The following CARS1 variants were observed in gnomAD, a reference collection of about 807,000 sequenced individuals.
The protein encoded by CARS1 is cysteinyl-tRNA synthetase 1.
In CARS1, 48 loss-of-function variants were observed where a neutral mutation model predicts 106.2. The observed-to-expected ratio is 0.45, with a 90% CI of 0.36 to 0.57. The LOEUF (loss-of-function observed/expected upper bound fraction) is 0.57, where lower values mean the gene tolerates loss of function less well. CARS1 is among the 20% of genes least tolerant of loss of function. The pLI, the probability that CARS1 is intolerant of heterozygous loss-of-function variation, is 0.00. For synonymous variants in CARS1, 409 were observed against 403.4 expected (o/e 1.01, Z -0.17); for missense variants, 968 against 1,057.2 (o/e 0.92, Z 1.17).
chr11:3,036,924 C>A (rs1590474473), intron 7 of CARS1, among the ~76,000 whole-genome samples: 2 of 149,202 alleles, frequency 1.3e-5, no homozygotes. Context: ...AAACCAGACA[C>A]AAAAAGACCC....
rs942782189 is a variant in CARS1 at position 3,048,781 on chromosome 11, C to T, written c.26-780G>A. The stretch of plus-strand genomic sequence containing the variant: ...CTCAAAGGACCAGCCCAAGAAAGCA[C>T]AGGGCTGCCAGGAAAATGTGGCTGC... On this transcript the variant is annotated intron_variant, in intron 1 of 22. Transcript: ENST00000380525. This position sits in a 1 kb window ranked among gnomAD's most constrained non-coding sequence, Gnocchi z 5.1. Among the ~76,000 whole-genome samples the T allele has an allele frequency of 1.3e-5, 2 of 152,352 alleles. No homozygotes were observed. Among genetic ancestry groups the T allele is most frequent in the African/African-American group, 4.8e-5 (2 of 41,582 alleles).
At chr11:3,016,750 A>G (rs1317309590) in intron 16 of CARS1, among the ~76,000 whole-genome samples, 1 of 151,856 alleles carries the variant, frequency 6.6e-6, no homozygotes, top group African/African-American at 2.4e-5. Context: ...AGCAGCTGGA[A>G]AACAGGTGTG....
chr11:3,057,251 C>T, intron 1 of CARS1, 92 bp downstream of exon 1: 1 of 1,152,210 alleles, frequency 8.7e-7, no homozygotes, highest in Non-Finnish European at 1.3e-6. Context: ...CCGGGCCCCT[C>T]AGACATAAGG....
At position 3,001,310 on chromosome 11, in the gene CARS1, T is replaced by A. The variant is rs146277534; in HGVS notation, c.2362-62A>T. ...TGCACCTGGGTAACCCCAACTCCCC[T>A]TTCTTTGCCCTCCCGTCTCAAAGTG... is the stretch of plus-strand genomic sequence containing the variant. On this transcript the variant is annotated intron_variant, in intron 22 of 22. Coordinates refer to ENST00000380525, the MANE Select transcript of CARS1 (RefSeq NM_001014437.3). 2,295 of 1,590,824 alleles carry A rather than the reference T, an allele frequency of 1.4e-3. 32 individuals are homozygous for A. The East Asian group carries it at 0.022, about 16-fold the overall frequency.
Position 3,020,142 on chromosome 11 carries a change from C to T in CARS1, c.1266+78G>A, listed in dbSNP as rs796248502. 2.3e-6 allele frequency: 2 copies of T among 874,878 alleles called. No homozygotes were observed. Among genetic ancestry groups the T allele is most frequent in the East Asian group, 2.4e-5 (1 of 41,488 alleles). The allele number at this position is 874,878 out of a possible 1,614,324, so 54.2% of individuals were successfully genotyped here. A position where few individuals can be genotyped will look rare whatever the true frequency, so the allele number is the denominator to read the frequency against. ...CAACATCCTTCACACACAGAGCGGC[C>T]CTCTGCTGGGGGCCTGAGAGTGTGG... is the stretch of plus-strand genomic sequence containing the variant. On this transcript the variant is annotated intron_variant, in intron 11 of 22. Transcript: ENST00000380525. The surrounding 1 kb of genome is among the most constrained non-coding windows in gnomAD (Gnocchi z 4.6).
At position 3,004,758 on chromosome 11, in the gene CARS1, A is replaced by C. The variant is rs1222434248; in HGVS notation, c.2217+608T>G. On this transcript the variant is annotated intron_variant, in intron 20 of 22. Coordinates refer to ENST00000380525, the MANE Select transcript of CARS1 (RefSeq NM_001014437.3). This position sits in a 1 kb window ranked among gnomAD's most constrained non-coding sequence, Gnocchi z 5.2. ...AGTATGCTGGGAATAGGAGGTGGAG[A>C]TGCATCAGTGACACGCGCCACTCAG... Among the ~76,000 whole-genome samples, 2 of 152,038 alleles carry C rather than the reference A, an allele frequency of 1.3e-5. No homozygotes were observed. Among genetic ancestry groups the C allele is most frequent in the Non-Finnish European group, 2.9e-5 (2 of 68,002 alleles).
At chr11:3,036,905 G>A (rs956346973) in intron 7 of CARS1, among the ~76,000 whole-genome samples, 32 of 151,772 alleles carry the variant, frequency 2.1e-4, no homozygotes, top group Non-Finnish European at 1.5e-5. Context: ...ACACTATGCT[G>A]GGCAAAATAA....
rs140770872 is a variant in CARS1 at position 3,052,271 on chromosome 11, C to T, written c.26-4270G>A. On this transcript the variant is annotated intron_variant, in intron 1 of 22. Coordinates refer to ENST00000380525, the MANE Select transcript of CARS1 (RefSeq NM_001014437.3). The surrounding 1 kb of genome is among the most constrained non-coding windows in gnomAD (Gnocchi z 4.6). Reference sequence around the variant, plus strand: ...TCACACACACGGCGGCATTTCCTCACGGTAAAACACGCTCATAACATCAGC... The same window carrying T: ...TCACACACACGGCGGCATTTCCTCATGGTAAAACACGCTCATAACATCAGC... Among the ~76,000 whole-genome samples the T allele has an allele frequency of 8.5e-5, 13 of 152,296 alleles. No individual in the cohort carries two copies. Among genetic ancestry groups the T allele is most frequent in the African/African-American group, 1.7e-4 (7 of 41,572 alleles).
intron 7 of CARS1, chr11:3,031,101 G>A (rs559401353): frequency 6.6e-6 from 1 of 152,298 alleles, no homozygotes; most frequent in East Asian, 1.9e-4. Context: ...AGACACATCT[G>A]AGAATTTCTC....
intron 1 of CARS1, among the ~76,000 whole-genome samples, chr11:3,051,300 TG>T (rs1169908740): frequency 1.3e-5 from 2 of 152,154 alleles, no homozygotes; most frequent in Non-Finnish European, 2.9e-5. Context: ...TGAAGGCGCC[TG>T]GGGGGTGCCG....
Position 3,038,145 on chromosome 11 carries a change from C to A in CARS1, c.706G>T (p.Glu236Ter). The A allele has an allele frequency of 6.2e-7, 1 of 1,614,076 alleles. No homozygotes were observed. The highest frequency in any genetic ancestry group is 8.5e-7 in the Non-Finnish European group (1 of 1,179,932). Residue 236 changes from glutamate to a stop codon, truncating the protein, a stop_gained, in exon 7 of 23, where the codon GAA becomes TAA. Coordinates refer to ENST00000380525, the MANE Select transcript of CARS1 (RefSeq NM_001014437.3). LOFTEE classifies it high-confidence loss of function. The surrounding 1 kb of genome is among the most constrained non-coding windows in gnomAD (Gnocchi z 4.0). ...AGCTGCACTGCGTGCTGAATCCGTT[C>A]GAGCATCTGCTTTTTATCGGGATCC... ...TTDPDKKQML[E>*]RIQHAVQLAT... is the part of the protein sequence containing the mutation.
chr11:3,043,029 T>C lies in CARS1; in HGVS notation c.275-773A>G, dbSNP rs1228350876. ...CTTCAAGCTCCACATAGGTCTATAC[T>C]GCCTTCATAAATAACCTGAGCTCCT... On this transcript the variant is annotated intron_variant, in intron 2 of 22. Coordinates refer to ENST00000380525, the MANE Select transcript of CARS1 (RefSeq NM_001014437.3). The surrounding 1 kb of genome is among the most constrained non-coding windows in gnomAD (Gnocchi z 4.0). 6.6e-6 allele frequency among the ~76,000 whole-genome samples: 1 copy of C among 152,216 alleles called. No individual in the cohort carries two copies. Among genetic ancestry groups the C allele is most frequent in the African/African-American group, 2.4e-5 (1 of 41,456 alleles).
At chr11:3,056,339 T>C (rs1324728048) in intron 1 of CARS1, among the ~76,000 whole-genome samples, 8 of 152,218 alleles carry the variant, frequency 5.3e-5, no homozygotes, top group Admixed American at 5.2e-4. Flanking sequence ...GAATGTTTCC[T>C]TTGGAAAGGC....
At position 3,028,880 on chromosome 11, in the gene CARS1, C is replaced by G; in HGVS notation, c.1031+116G>C. The G allele has an allele frequency of 1.3e-6, 1 of 750,370 alleles. No individual in the cohort carries two copies. The highest frequency in any genetic ancestry group is 2.4e-5 in the East Asian group (1 of 40,846). 46.5% of individuals were successfully genotyped at this position (750,370 alleles called of 1,614,324 possible). On this transcript the variant is annotated intron_variant, in intron 9 of 22. Coordinates refer to ENST00000380525, the MANE Select transcript of CARS1 (RefSeq NM_001014437.3). This position sits in a 1 kb window ranked among gnomAD's most constrained non-coding sequence, Gnocchi z 4.4. ...GGAAGTCTGCTGGGACTTCTAGCTA[C>G]GCAGCCCCAGAACACCTGCTCCTCT...
chr11:3,031,362 T>C (rs982954414), intron 7 of CARS1: 2 of 152,058 alleles, frequency 1.3e-5, no homozygotes, highest in Admixed American at 1.3e-4. Context: ...CAGGGAAATA[T>C]ACACACTTCA....
rs1853805331 is a variant in CARS1, at chr11:3,037,438, C to T, written c.801+612G>A. On this transcript the variant is annotated intron_variant, in intron 7 of 22. Transcript: ENST00000380525. The surrounding 1 kb of genome is among the most constrained non-coding windows in gnomAD (Gnocchi z 5.9). ...TGCAGCCGTCTCTTCTCTTTTCCAT[C>T]GAGTTCTTAAAGGGTGACCAGCAGG... is the stretch of plus-strand genomic sequence containing the variant. Among the ~76,000 whole-genome samples the T allele has an allele frequency of 6.6e-6, 1 of 152,192 alleles. No homozygotes were observed. Among genetic ancestry groups the T allele is most frequent in the Admixed American group, 6.5e-5 (1 of 15,288 alleles).
Position 3,001,074 on chromosome 11 carries a change from A to G in CARS1, c.*40T>C. ...ATTGTCACTGAGGCAGACAGCAGCCACTAGTCCACAATGGTTTAAAAAGTC... is the reference window on the plus strand; with the variant it reads ...ATTGTCACTGAGGCAGACAGCAGCCGCTAGTCCACAATGGTTTAAAAAGTC... On this transcript the variant is annotated 3_prime_UTR_variant, in exon 23 of 23. Transcript: ENST00000380525. 1 of 1,608,298 alleles carries G rather than the reference A, an allele frequency of 6.2e-7. No individual in the cohort carries two copies. The highest frequency in any genetic ancestry group is 2.2e-5 in the East Asian group (1 of 44,786).
chr11:3,002,764 G>C (rs925365836), intron 20 of CARS1, among the ~76,000 whole-genome samples, 164 bp from the exon 21 acceptor site: 1 of 152,056 alleles, frequency 6.6e-6, no homozygotes, highest in South Asian at 2.1e-4. Flanking sequence ...CATGTGCCGG[G>C]CAGCACACCG....
rs1296081743 is a variant in CARS1 at position 3,041,041 on chromosome 11, A to T, written c.367-57T>A. 6.2e-7 allele frequency: 1 copy of T among 1,613,064 alleles called. No homozygotes were observed. Among genetic ancestry groups the T allele is most frequent in the African/African-American group, 1.3e-5 (1 of 75,030 alleles). On this transcript the variant is annotated intron_variant, in intron 3 of 22. Transcript: ENST00000380525. This position sits in a 1 kb window ranked among gnomAD's most constrained non-coding sequence, Gnocchi z 4.9. ...AGAAATGCAAGAAACACTGCACAGG[A>T]TTACCAAAAACAGCAACAAACATCA...
Sources: gnomAD v4.1 joint callset for allele counts (sites outside exome capture counted in the v4.1 genomes callset) on GRCh38, gnomAD v4.1.1 for gene constraint, Gnocchi (gnomAD v3.1) non-coding constraint, MANE v1.5 for transcripts, NCBI Gene and HGNC (gene_info 2026-07-23, HGNC 2026-07-21) for gene names.